Variants in MAGI2 observed in about 807,000 individuals in gnomAD.
The protein encoded by MAGI2 is membrane associated guanylate kinase, WW and PDZ domain containing 2.
Under a neutral mutation model 133.3 loss-of-function variants are expected in MAGI2, and 35 were observed. That is an observed-to-expected ratio of 0.26 (90% confidence interval 0.20 to 0.35). The LOEUF (loss-of-function observed/expected upper bound fraction) is 0.35, where lower values mean the gene tolerates loss of function less well. Ranked by LOEUF, MAGI2 falls within the 10% of genes least tolerant of loss-of-function variation. The pLI, the probability that MAGI2 is intolerant of heterozygous loss-of-function variation, is 1.00. For synonymous variants in MAGI2, 729 were observed against 710.6 expected, an observed-to-expected ratio of 1.03 and a Z score of -0.41; for missense variants, 1,636 against 1,863.4, an observed-to-expected ratio of 0.88 and a Z score of 2.25.
chr7:78,503,166 A>G (rs1794769941), intron 4 of MAGI2, among the ~76,000 whole-genome samples: 1 of 152,218 alleles, frequency 6.6e-6, no homozygotes, highest in South Asian at 2.1e-4. Flanking sequence ...TAGTAATCCA[A>G]GAACTTAACT....
chr7:78,929,733 A>G (rs985320244), intron 2 of MAGI2, among the ~76,000 whole-genome samples: 18 of 152,154 alleles, frequency 1.2e-4, no homozygotes, highest in African/African-American at 4.1e-4. Context: ...TAATCCCCCT[A>G]TCTGAAGATC....
At chr7:78,591,008 A>G (rs1002469921) in intron 3 of MAGI2, among the ~76,000 whole-genome samples, 2 of 152,178 alleles carry the variant, frequency 1.3e-5, no homozygotes, top group African/African-American at 4.8e-5. Flanking sequence ...TTTCCTCTCT[A>G]TATTTATTAA....
intron 1 of MAGI2, among the ~76,000 whole-genome samples, chr7:79,032,519 G>GA (rs34049134): frequency 1.1e-3 from 129 of 118,194 alleles, no homozygotes; most frequent in East Asian, 7.4e-3. Context: ...CTCTGACTCA[G>GA]AAAAAAAAAA....
intron 2 of MAGI2, among the ~76,000 whole-genome samples, chr7:78,906,327 C>T (rs1390412528): frequency 2.6e-5 from 4 of 152,182 alleles, no homozygotes; most frequent in African/African-American, 4.8e-5. Flanking sequence ...TTTTCTCTTC[C>T]GTTTCATTGC....
intron 3 of MAGI2, among the ~76,000 whole-genome samples, chr7:78,526,172 G>A (rs1796932134): frequency 6.6e-6 from 1 of 152,102 alleles, no homozygotes; most frequent in Non-Finnish European, 1.5e-5. Context: ...TGCCTTTTAA[G>A]AGAAAAAAAT....
chr7:79,017,895 C>T (rs1441911980), intron 1 of MAGI2, among the ~76,000 whole-genome samples: 18 of 151,966 alleles, frequency 1.2e-4, no homozygotes. Flanking sequence ...TAAAAAACCA[C>T]AAGGAAAATA....
intron 9 of MAGI2, among the ~76,000 whole-genome samples, chr7:78,335,121 G>A (rs1316906298): frequency 2.6e-5 from 4 of 152,176 alleles, no homozygotes; most frequent in African/African-American, 9.7e-5. Flanking sequence ...AACCTAAAAT[G>A]TTTTATCTAA....
intron 2 of MAGI2, among the ~76,000 whole-genome samples, chr7:78,876,303 C>T (rs1417022442): frequency 9.9e-6 from 1 of 101,296 alleles, no homozygotes; most frequent in African/African-American, 3.7e-5. Flanking sequence ...GCCCGGGTGA[C>T]AGAGCAAGAC....
intron 9 of MAGI2, among the ~76,000 whole-genome samples, chr7:78,287,785 T>A (rs1288831496): frequency 1.3e-5 from 2 of 152,212 alleles, no homozygotes; most frequent in Admixed American, 6.5e-5. Context: ...GTTTTTCTTT[T>A]TTCCTACAGA....
chr7:78,137,677 A>G (rs1291018414), intron 16 of MAGI2, among the ~76,000 whole-genome samples: 2 of 152,190 alleles, frequency 1.3e-5, no homozygotes, highest in Non-Finnish European at 2.9e-5. Flanking sequence ...TTAGACAGAC[A>G]CTGGATGAGG....
At chr7:78,519,019 T>TA (rs55868877) in intron 4 of MAGI2, 8,575 of 152,120 alleles carry the variant, frequency 0.056, 283 homozygotes, top group Middle Eastern at 0.16. Context: ...ATTACAGGCA[T>TA]GAGCCTCCGC....
At chr7:78,782,141 G>A (rs1826444334) in intron 2 of MAGI2, among the ~76,000 whole-genome samples, 2 of 152,160 alleles carry the variant, frequency 1.3e-5, no homozygotes, top group Admixed American at 1.3e-4. Context: ...TCAGAGGTGA[G>A]CTTCCTCCAA....
chr7:78,741,494 A>T (rs1364738147), intron 2 of MAGI2, among the ~76,000 whole-genome samples: 1 of 151,174 alleles, frequency 6.6e-6, no homozygotes. Context: ...CTATACTTTA[A>T]TGACATTGAG....
At chr7:79,045,558 G>A (rs1450766322) in intron 1 of MAGI2, among the ~76,000 whole-genome samples, 7 of 152,038 alleles carry the variant, frequency 4.6e-5, no homozygotes, top group East Asian at 1.9e-4. Flanking sequence ...TTTGGGAGGC[G>A]GAGGCAGGCG....
At chr7:79,059,283 G>T (rs1362585577) in intron 1 of MAGI2, among the ~76,000 whole-genome samples, 1 of 151,906 alleles carries the variant, frequency 6.6e-6, no homozygotes, top group East Asian at 1.9e-4. Flanking sequence ...AATCCCATGG[G>T]TAACGGACCT....
chr7:78,421,336 C>G (rs1202677103), intron 6 of MAGI2, among the ~76,000 whole-genome samples: 1 of 152,160 alleles, frequency 6.6e-6, no homozygotes, highest in Admixed American at 6.5e-5. Context: ...ATCATACAAC[C>G]ACTATGGCCT....
At chr7:79,168,885 G>GATAT (rs752134999) in intron 1 of MAGI2, among the ~76,000 whole-genome samples, 18 of 138,826 alleles carry the variant, frequency 1.3e-4, no homozygotes, top group African/African-American at 3.5e-4. Context: ...TCTTTCTAAA[G>GATAT]ATAGATATAT....
chr7:78,412,277 A>C (rs1278727442), intron 6 of MAGI2, among the ~76,000 whole-genome samples: 1 of 152,102 alleles, frequency 6.6e-6, no homozygotes, highest in African/African-American at 2.4e-5. Context: ...AAGAGCCAGC[A>C]GGTTCTCCTT....
intron 21 of MAGI2, chr7:78,039,627 T>C (rs1452910781): frequency 6.6e-6 from 1 of 152,222 alleles, no homozygotes; most frequent in African/African-American, 2.4e-5. Context: ...TTTTATTCTG[T>C]GGGCCTTCAG....
Sources: allele counts gnomAD v4.1 joint callset (sites outside exome capture counted in the v4.1 genomes callset), GRCh38; gene constraint gnomAD v4.1.1; transcripts MANE v1.5; gene names NCBI Gene and HGNC (gene_info 2026-07-23, HGNC 2026-07-21).